Variants in ARSJ observed in about 807,000 individuals in gnomAD.
ARSJ encodes the protein arylsulfatase family member J.
A neutral mutation model predicts 35.9 loss-of-function variants in ARSJ; 26 were observed. The ratio of observed to expected loss-of-function variants is 0.72; its 90% CI spans 0.53 to 1.00. The LOEUF is 1.00. Among genes scored for constraint, ARSJ ranks in the 50% least tolerant of loss-of-function variants. ARSJ has a pLI of 0.00. For synonymous variants in ARSJ, 294 were observed against 267.6 expected (o/e 1.10, Z -0.96); for missense variants, 667 against 723.6 (o/e 0.92, Z 0.90).
intron 1 of ARSJ, among the ~76,000 whole-genome samples, chr4:113,976,059 C>T (rs1451166623): frequency 6.6e-6 from 1 of 152,142 alleles, no homozygotes; most frequent in East Asian, 1.9e-4. Context: ...ATCAATATTG[C>T]CAGACTAGTA....
chr4:113,942,790 T>A (rs1258099043), intron 1 of ARSJ, among the ~76,000 whole-genome samples: 1 of 152,086 alleles, frequency 6.6e-6, no homozygotes, highest in East Asian at 1.9e-4. Flanking sequence ...ACGTTTCTTT[T>A]AAAATTACTA....
At chr4:113,905,267 A>G (rs72893421) in intron 1 of ARSJ, among the ~76,000 whole-genome samples, 11,457 of 152,310 alleles carry the variant, frequency 0.075, 447 homozygotes, top group East Asian at 0.11. Context: ...TAAATATGTA[A>G]ATAATCTTGG....
At chr4:113,905,288 C>CA (rs766461856) in intron 1 of ARSJ, among the ~76,000 whole-genome samples, 9 of 151,794 alleles carry the variant, frequency 5.9e-5, no homozygotes, top group South Asian at 2.1e-4. Context: ...AATCAAATTA[C>CA]AAAAAAAATA....
At chr4:113,934,289 C>A (rs917985603) in intron 1 of ARSJ, among the ~76,000 whole-genome samples, 7 of 151,718 alleles carry the variant, frequency 4.6e-5, no homozygotes, top group African/African-American at 1.5e-4. Context: ...CATCTGCACT[C>A]CCATGTTTAC....
At chr4:113,961,897 CTGTGTGTGTGTGTGTGTGTGTGTGTGTG>C (rs60701922) in intron 1 of ARSJ, among the ~76,000 whole-genome samples, 4 of 148,034 alleles carry the variant, frequency 2.7e-5, no homozygotes, top group African/African-American at 7.5e-5. Context: ...CTCTCTCTCT[CTGTGTGTGTGTGTGTGTGTGTGTGTGTG>C]TGTGTGTGTG....
chr4:113,909,896 A>G (rs1003089711), intron 1 of ARSJ, among the ~76,000 whole-genome samples: 6 of 152,144 alleles, frequency 3.9e-5, no homozygotes, highest in African/African-American at 1.4e-4. Flanking sequence ...CCAAGTTTAT[A>G]ATATCATTTA....
chr4:113,976,386 C>T (rs1283196097), intron 1 of ARSJ, among the ~76,000 whole-genome samples: 7 of 152,144 alleles, frequency 4.6e-5, no homozygotes, highest in African/African-American at 1.2e-4. Flanking sequence ...TGACCATATT[C>T]TCTGGGACCT....
chr4:113,964,706 C>A (rs1239566304), intron 1 of ARSJ, among the ~76,000 whole-genome samples: 1 of 151,988 alleles, frequency 6.6e-6, no homozygotes, highest in African/African-American at 2.4e-5. Flanking sequence ...CGTTAAAGAT[C>A]AAAACTCTAC....
intron 1 of ARSJ, among the ~76,000 whole-genome samples, chr4:113,933,809 T>A (rs999961032): frequency 2.6e-5 from 4 of 151,752 alleles, no homozygotes; most frequent in African/African-American, 9.7e-5. Flanking sequence ...TCCTCTAAGA[T>A]CTGAAACAGC....
At chr4:113,967,555 T>C (rs1251933327) in intron 1 of ARSJ, among the ~76,000 whole-genome samples, 1 of 152,198 alleles carries the variant, frequency 6.6e-6, no homozygotes, top group Non-Finnish European at 1.5e-5. Context: ...ACCTAAGGTT[T>C]CACTTGAAGT....
At chr4:113,941,862 A>T (rs1725180759) in intron 1 of ARSJ, among the ~76,000 whole-genome samples, 1 of 152,062 alleles carries the variant, frequency 6.6e-6, no homozygotes, top group African/African-American at 2.4e-5. Context: ...TCTGAGGCAG[A>T]TAACATTATT....
At chr4:113,922,251 C>A (rs1337637710) in intron 1 of ARSJ, among the ~76,000 whole-genome samples, 1 of 152,102 alleles carries the variant, frequency 6.6e-6, no homozygotes, top group Admixed American at 6.6e-5. Flanking sequence ...AAATTACAAA[C>A]CAGCCCAAAT....
intron 1 of ARSJ, among the ~76,000 whole-genome samples, chr4:113,962,388 C>A (rs1726603346): frequency 6.6e-6 from 1 of 151,298 alleles, no homozygotes; most frequent in Non-Finnish European, 1.5e-5. Context: ...AAGGGAGAAA[C>A]AAAGACTATT....
chr4:113,957,668 T>G (rs536959292), intron 1 of ARSJ, among the ~76,000 whole-genome samples: 21 of 152,224 alleles, frequency 1.4e-4, no homozygotes, highest in Middle Eastern at 3.4e-3. Flanking sequence ...GGTGACTGAT[T>G]TGTGTATTGA....
intron 1 of ARSJ, among the ~76,000 whole-genome samples, chr4:113,961,407 T>A (rs1468468568): frequency 1.3e-5 from 2 of 152,110 alleles, no homozygotes; most frequent in African/African-American, 4.8e-5. Context: ...ACATGTTACA[T>A]CAGATGGAGG....
chr4:113,973,848 T>C (rs1043233847), intron 1 of ARSJ, among the ~76,000 whole-genome samples: 2 of 152,178 alleles, frequency 1.3e-5, no homozygotes, highest in African/African-American at 4.8e-5. Context: ...AAGGCAATTT[T>C]GAAGAACAAG....
intron 1 of ARSJ, among the ~76,000 whole-genome samples, chr4:113,941,277 A>G (rs1293561435): frequency 1.3e-5 from 2 of 152,088 alleles, no homozygotes; most frequent in Non-Finnish European, 2.9e-5. Context: ...TTGCAGTTAC[A>G]TACATGAACA....
At chr4:113,909,058 A>G (rs1468112275) in intron 1 of ARSJ, among the ~76,000 whole-genome samples, 1 of 152,116 alleles carries the variant, frequency 6.6e-6, no homozygotes, top group Non-Finnish European at 1.5e-5. Flanking sequence ...GGCAGTAAAA[A>G]TGGAAAGAGG....
At chr4:113,919,891 G>T (rs991308542) in intron 1 of ARSJ, among the ~76,000 whole-genome samples, 1 of 151,980 alleles carries the variant, frequency 6.6e-6, no homozygotes, top group Non-Finnish European at 1.5e-5. Context: ...TGTTGAAGCA[G>T]TTTTGTACCT....
Sources: allele counts gnomAD v4.1 joint callset (sites outside exome capture counted in the v4.1 genomes callset), GRCh38; gene constraint gnomAD v4.1.1; transcripts MANE v1.5; gene names NCBI Gene and HGNC (gene_info 2026-07-23, HGNC 2026-07-21).